Variants in TTF2 observed in about 807,000 individuals in gnomAD.
The protein encoded by TTF2 is transcription termination factor 2, also known as RNA polymerase II termination factor.
TTF2 carries 108 observed loss-of-function variants against 142.4 expected under a neutral mutation model. The observed-to-expected ratio is 0.76, with a 90% confidence interval of 0.65 to 0.89. The LOEUF (loss-of-function observed/expected upper bound fraction) is 0.89, where lower values mean the gene tolerates loss of function less well. Among genes scored for constraint, TTF2 ranks in the 40% least tolerant of loss-of-function variants. The probability of loss-of-function intolerance (pLI) is 0.00; values close to 1 mark genes in which losing one functional copy is unlikely to be tolerated. For synonymous variants in TTF2, 483 were observed against 506.2 expected (o/e 0.95, Z 0.61); for missense variants, 1,327 against 1,379.8 (o/e 0.96, Z 0.61).
chr1:117,078,433 C>T (rs1647200875), intron 8 of TTF2, among the ~76,000 whole-genome samples: 1 of 152,156 alleles, frequency 6.6e-6, no homozygotes, highest in Admixed American at 6.5e-5. Context: ...AAAAGGGATT[C>T]AGAATAAAGG....
rs1016329207 is a variant in TTF2, at chr1:117,105,607, C to T, written c.*4083C>T. ...TGTTGGGTGCCTGTAATTGCAGCTA[C>T]TCGGGAGGCTGAGGCAGGAGAATCA... On this transcript the variant is annotated 3_prime_UTR_variant, in exon 23 of 23. Coordinates refer to ENST00000369466, the MANE Select transcript of TTF2 (RefSeq NM_003594.4). The surrounding 1 kb of genome is among the most constrained non-coding windows in gnomAD (Gnocchi z 4.7). 2.6e-5 allele frequency: 4 copies of T among 152,084 alleles called. No homozygotes were observed. Among genetic ancestry groups the T allele is most frequent in the African/African-American group, 9.7e-5 (4 of 41,380 alleles). The allele number at this position is 152,084 out of a possible 1,614,324, so 9.4% of individuals were successfully genotyped here.
At chr1:117,074,758 C>A in intron 4 of TTF2, 112 bp from the exon 5 acceptor site, 1 of 1,014,980 alleles carries the variant, frequency 9.9e-7, no homozygotes, top group Non-Finnish European at 1.4e-6. Flanking sequence ...TATAACAAAG[C>A]TGCATATGTA....
Position 117,083,874 on chromosome 1 carries a change from G to A in TTF2, c.1904-144G>A, listed in dbSNP as rs989568440. On this transcript the variant is annotated intron_variant, in intron 10 of 22. Coordinates refer to ENST00000369466, the MANE Select transcript of TTF2 (RefSeq NM_003594.4). ...TCACACCTGTAATTCCACTGTGGGA[G>A]GCTAAGGCAGGAGGATCACTTGAGC... The A allele has an allele frequency of 6.5e-6, 6 of 929,366 alleles. No individual in the cohort carries two copies. In the African/African-American group the frequency reaches 1.0e-4, roughly 15 times the overall value. 57.6% of individuals were successfully genotyped at this position (929,366 alleles called of 1,614,324 possible).
Position 117,090,671 on chromosome 1 carries a change from GTCTTT to G in TTF2, c.2588+53_2588+57del. The stretch of plus-strand genomic sequence containing the variant: ...TTCTCACACACATTGTTTTATTCCT[GTCTTT>G]TCTTGGGAGTGAGTTGAAGGTCAAA... On this transcript the variant is annotated intron_variant, in intron 15 of 22. Coordinates refer to ENST00000369466, the MANE Select transcript of TTF2 (RefSeq NM_003594.4). This position sits in a 1 kb window ranked among gnomAD's most constrained non-coding sequence, Gnocchi z 4.8. 1.3e-6 allele frequency: 2 copies of G among 1,516,396 alleles called. No individual in the cohort carries two copies. Among genetic ancestry groups the G allele is most frequent in the Non-Finnish European group, 1.8e-6 (2 of 1,101,100 alleles). 93.9% of individuals were successfully genotyped at this position (1,516,396 alleles called of 1,614,324 possible). A position where few individuals can be genotyped will look rare whatever the true frequency, so the allele number is the denominator to read the frequency against.
intron 12 of TTF2, 121 bp from the exon 13 acceptor site, chr1:117,088,680 A>G: frequency 2.8e-6 from 3 of 1,077,184 alleles, no homozygotes; most frequent in South Asian, 3.4e-5. Context: ...AGTGTACCTG[A>G]GCTAAGCAAA....
chr1:117,089,099 A>C, intron 13 of TTF2, 117 bp downstream of exon 13: 6 of 1,093,844 alleles, frequency 5.5e-6, no homozygotes, highest in Non-Finnish European at 7.6e-6. Context: ...AGGAGATGGC[A>C]GGCCTGTCAA....
Position 117,089,219 on chromosome 1 carries a change from TTATATATG to T in TTF2, c.2342+238_2342+245del. On this transcript the variant is annotated intron_variant, in intron 13 of 22. Transcript: ENST00000369466. ...TATATATATGCAAAAATATAGGACT[TTATATATG>T]CAAAATATATGCAAAATATATGCAA... Among the ~76,000 whole-genome samples, 2 of 144,268 alleles carry T rather than the reference TTATATATG, an allele frequency of 1.4e-5. 1 individual carries two copies. The highest frequency in any genetic ancestry group is 7.3e-3 in the Middle Eastern group (2 of 274). 94.6% of individuals were successfully genotyped at this position (144,268 alleles called of 152,430 possible). A position where few individuals can be genotyped will look rare whatever the true frequency, so the allele number is the denominator to read the frequency against.
At position 117,091,834 on chromosome 1, in the gene TTF2, T is replaced by A. The variant is rs112763603; in HGVS notation, c.2689T>A (p.Ser897Thr). The A allele has an allele frequency of 3.1e-6, 5 of 1,613,624 alleles. No individual in the cohort carries two copies. The highest frequency in any genetic ancestry group is 2.7e-5 in the African/African-American group (2 of 74,992). Reference sequence around the variant, plus strand: ...CTTGGAAGTGGCACTGGAGTTTGGGTCTGAGGAGCCTAGACACTCGGAGGC... The same window carrying A: ...CTTGGAAGTGGCACTGGAGTTTGGGACTGAGGAGCCTAGACACTCGGAGGC... ...PFSRVALEFGSEEPRHSEAAD... is the reference protein window; with the variant it reads ...PFSRVALEFGTEEPRHSEAAD... Residue 897 changes from serine (S) to threonine (T), a missense_variant, in exon 17 of 23, where the codon TCT (serine) becomes ACT (threonine). Physicochemically the swap from Ser to Thr is moderately conservative, Grantham distance 58 (BLOSUM62 1). Transcript: ENST00000369466.
chr1:117,062,285 A>T (rs1655743766), intron 2 of TTF2, 102 bp from the exon 3 acceptor site: 1 of 1,012,936 alleles, frequency 9.9e-7, no homozygotes. Context: ...TAGAGGTTAT[A>T]CATAGATTCT....
Position 117,076,245 on chromosome 1 carries a change from C to A in TTF2, c.1341C>A (p.Ile447=), listed in dbSNP as rs777659482. 2 of 1,613,960 alleles carry A rather than the reference C, an allele frequency of 1.2e-6. No homozygotes were observed. Among genetic ancestry groups the A allele is most frequent in the Admixed American group, 1.7e-5 (1 of 60,018 alleles). ...PDKGQKLIKQ[I]QELEEVLSGL... ...AGGGTCAGAAGTTGATCAAACAAATCCAGGAGCTGGAGGAAGTACTCAGTG... is the reference window on the plus strand; with the variant it reads ...AGGGTCAGAAGTTGATCAAACAAATACAGGAGCTGGAGGAAGTACTCAGTG... The change falls in exon 6 of 23, where the codon ATC becomes ATA. Residue 447 remains isoleucine (I), a synonymous_variant. Coordinates refer to ENST00000369466, the MANE Select transcript of TTF2 (RefSeq NM_003594.4). The surrounding 1 kb of genome is among the most constrained non-coding windows in gnomAD (Gnocchi z 4.6).
At chr1:117,091,069 A>G (rs1397494992) in intron 15 of TTF2, among the ~76,000 whole-genome samples, 1 of 151,904 alleles carries the variant, frequency 6.6e-6, no homozygotes, top group African/African-American at 2.4e-5. Context: ...ACTGTTTCCT[A>G]TTTGGTACCT....
chr1:117,078,274 G>C (rs1372967924), intron 8 of TTF2, among the ~76,000 whole-genome samples: 1 of 152,210 alleles, frequency 6.6e-6, no homozygotes, highest in Non-Finnish European at 1.5e-5. Flanking sequence ...GGATCCATTT[G>C]TTGAGTTGGT....
At chr1:117,088,747 A>G in intron 12 of TTF2, 54 bp from the exon 13 acceptor site, 1 of 1,581,422 alleles carries the variant, frequency 6.3e-7, no homozygotes, top group South Asian at 1.2e-5. Flanking sequence ...TGTGTCCTTA[A>G]GGACATGTAC....
rs1649465962 is a variant in TTF2, at chr1:117,100,125, CAAG to C, written c.3344+1219_3344+1221del. On this transcript the variant is annotated intron_variant, in intron 22 of 22. Transcript: ENST00000369466. This position sits in a 1 kb window ranked among gnomAD's most constrained non-coding sequence, Gnocchi z 4.6. The stretch of plus-strand genomic sequence containing the variant: ...TACCTTTTGAGCACCCACTATGTAG[CAAG>C]TATAATTACATGTTTCAGGTACTCA... Among the ~76,000 whole-genome samples, 2 of 152,212 alleles carry C rather than the reference CAAG, an allele frequency of 1.3e-5. No individual in the cohort carries two copies. The highest frequency in any genetic ancestry group is 4.8e-5 in the African/African-American group (2 of 41,448).
intron 13 of TTF2, among the ~76,000 whole-genome samples, chr1:117,089,434 A>T (rs1255644105): frequency 6.6e-6 from 1 of 152,084 alleles, no homozygotes; most frequent in Non-Finnish European, 1.5e-5. Flanking sequence ...CATACCTGTA[A>T]TCTCCACACT....
intron 3 of TTF2, among the ~76,000 whole-genome samples, chr1:117,069,691 T>A (rs192439348): frequency 1.3e-5 from 2 of 152,314 alleles, no homozygotes. Flanking sequence ...TCAGAACTAA[T>A]TAGGTGGTAG....
In TTF2 at chr1:117,098,874, G is replaced by T. The variant is rs771807082; in HGVS notation, c.3311G>T (p.Arg1104Leu). Residue 1104 changes from arginine (R) to leucine (L), a missense_variant, in exon 22 of 23, where the codon CGA (arginine) becomes CTA (leucine). Physicochemically the swap from Arg to Leu is moderately radical, Grantham distance 102. Coordinates refer to ENST00000369466, the MANE Select transcript of TTF2 (RefSeq NM_003594.4). ...LEDQACDRIYRVGQQKDVVIH... is the reference protein window; with the variant it reads ...LEDQACDRIYLVGQQKDVVIH... ...GATCAAGCTTGTGACCGAATTTACC[G>T]AGTAGGGCAGCAGAAAGATGTTGTC... 1.9e-6 allele frequency: 3 copies of T among 1,612,432 alleles called. No homozygotes were observed. Among genetic ancestry groups the T allele is most frequent in the East Asian group, 4.5e-5 (2 of 44,796 alleles).
At chr1:117,098,687 C>T in intron 21 of TTF2, 146 bp from the exon 22 acceptor site, 1 of 666,260 alleles carries the variant, frequency 1.5e-6, no homozygotes, top group Non-Finnish European at 2.5e-6. Context: ...TTTTGCTTTG[C>T]TTTCTTTTCT....
At chr1:117,069,923 A>G (rs1261005712) in intron 3 of TTF2, among the ~76,000 whole-genome samples, 2 of 152,246 alleles carry the variant, frequency 1.3e-5, no homozygotes, top group Admixed American at 6.5e-5. Flanking sequence ...AAAACAATTA[A>G]TAAACATACT....
Sources: gnomAD v4.1 joint callset for allele counts (sites outside exome capture counted in the v4.1 genomes callset) on GRCh38, gnomAD v4.1.1 for gene constraint, Gnocchi (gnomAD v3.1) non-coding constraint, MANE v1.5 for transcripts, NCBI Gene and HGNC (gene_info 2026-07-23, HGNC 2026-07-21) for gene names.